The following SH3BP2 variants were observed in gnomAD, a reference collection of about 807,000 sequenced individuals.
The protein encoded by SH3BP2 is SH3 domain-binding protein 2.
SH3BP2 carries 38 observed loss-of-function variants against 56.2 expected under a neutral mutation model. The observed-to-expected ratio is 0.68, with a 90% CI of 0.52 to 0.89. The LOEUF (loss-of-function observed/expected upper bound fraction) is 0.89, where lower values mean the gene tolerates loss of function less well. SH3BP2 is among the 40% of genes least tolerant of loss of function. The pLI, the probability that SH3BP2 is intolerant of heterozygous loss-of-function variation, is 0.00. For synonymous variants in SH3BP2, 346 were observed against 316.7 expected (o/e 1.09, Z -0.98); for missense variants, 748 against 762.6 (o/e 0.98, Z 0.23).
chr4:2,832,911 CT>C lies in SH3BP2; in HGVS notation c.1489-78del, dbSNP rs927931721. The C allele has an allele frequency of 1.1e-3, 1,526 of 1,441,162 alleles. 11 individuals carry two copies. The highest frequency in any genetic ancestry group is 5.2e-4 in the African/African-American group (37 of 71,486). The allele number at this position is 1,441,162 out of a possible 1,614,324, so 89.3% of individuals were successfully genotyped here. A position where few individuals can be genotyped will look rare whatever the true frequency, so the allele number is the denominator to read the frequency against. On this transcript the variant is annotated intron_variant, in intron 11 of 12. Transcript: ENST00000503393. Reference sequence around the variant, plus strand: ...ACCCAGCCTTGATGGTTCTGCCCCCCTATCCCCAGCCCATGGTCTCCCGAGG... The same window carrying C: ...ACCCAGCCTTGATGGTTCTGCCCCCCATCCCCAGCCCATGGTCTCCCGAGG...
Position 2,812,386 on chromosome 4 carries a change from C to T in SH3BP2, c.-4-8228C>T, listed in dbSNP as rs1463993473. The T allele has an allele frequency of 5.8e-6, 9 of 1,550,094 alleles. No individual in the cohort carries two copies. The South Asian group carries it at 7.1e-5, about 12-fold the overall frequency. ...AGATGTAGGCTGCCTGGGCTGGTGGCCCCTGAGCCGCATGGCCTCCCTGGG... is the reference window on the plus strand; with the variant it reads ...AGATGTAGGCTGCCTGGGCTGGTGGTCCCTGAGCCGCATGGCCTCCCTGGG... On this transcript the variant is annotated intron_variant, in intron 1 of 12. Coordinates refer to ENST00000503393, the MANE Select transcript of SH3BP2 (RefSeq NM_001122681.2).
chr4:2,800,122 G>A (rs746655509), intron 1 of SH3BP2, among the ~76,000 whole-genome samples: 34 of 152,068 alleles, frequency 2.2e-4, no homozygotes, highest in Admixed American at 2.2e-3. Context: ...AGGAGGTGAC[G>A]TGACCAGGAT....
intron 2 of SH3BP2, among the ~76,000 whole-genome samples, chr4:2,822,255 A>G (rs1313656361): frequency 6.6e-6 from 1 of 152,184 alleles, no homozygotes; most frequent in Non-Finnish European, 1.5e-5. Flanking sequence ...TCCTGGGCTC[A>G]AATGATCCTC....
chr4:2,834,655 A>G lies in SH3BP2; in HGVS notation c.*821A>G, dbSNP rs886059362. Reference sequence around the variant, plus strand: ...TGTCCCCGTTCCAGAACTTGCATACACTGAGCGGGCTACAGAGCTAGAAGG... The same window carrying G: ...TGTCCCCGTTCCAGAACTTGCATACGCTGAGCGGGCTACAGAGCTAGAAGG... On this transcript the variant is annotated 3_prime_UTR_variant, in exon 13 of 13. Coordinates refer to ENST00000503393, the MANE Select transcript of SH3BP2 (RefSeq NM_001122681.2). 7 of 151,996 alleles carry G rather than the reference A, an allele frequency of 4.6e-5. No individual in the cohort carries two copies. The highest frequency in any genetic ancestry group is 8.8e-5 in the Non-Finnish European group (6 of 68,042). The allele number at this position is 151,996 out of a possible 1,614,324, so 9.4% of individuals were successfully genotyped here.
chr4:2,820,230 TA>T (rs1416601317), intron 1 of SH3BP2, among the ~76,000 whole-genome samples: 1 of 152,180 alleles, frequency 6.6e-6, no homozygotes, highest in Non-Finnish European at 1.5e-5. Flanking sequence ...GGACTTGAAG[TA>T]GTTATGGCCT....
rs1235514258 is a variant in SH3BP2 at position 2,839,772 on chromosome 4, C to G, written c.*5938C>G. 1 of 151,636 alleles carries G rather than the reference C, an allele frequency of 6.6e-6. No individual in the cohort carries two copies. The highest frequency in any genetic ancestry group is 1.5e-5 in the Non-Finnish European group (1 of 67,952). 9.4% of individuals were successfully genotyped at this position (151,636 alleles called of 1,614,324 possible). ...TTTTAGAGATAGGATCTTACTATGC[C>G]CCAGCTGGTCTCAAACTCCTAGACT... On this transcript the variant is annotated 3_prime_UTR_variant, in exon 13 of 13. Coordinates refer to ENST00000503393, the MANE Select transcript of SH3BP2 (RefSeq NM_001122681.2).
chr4:2,833,170 C>A, intron 12 of SH3BP2, 121 bp downstream of exon 12: 2 of 845,272 alleles, frequency 2.4e-6, no homozygotes, highest in South Asian at 1.4e-5. Context: ...CAGGATACCG[C>A]CCTCCCCTTC....
intron 3 of SH3BP2, among the ~76,000 whole-genome samples, chr4:2,823,930 G>T (rs564818200): frequency 1.2e-4 from 18 of 152,332 alleles, no homozygotes; most frequent in Admixed American, 9.8e-4. Flanking sequence ...CCTGGGGAAG[G>T]TCGTTCCCTT....
chr4:2,807,950 C>T (rs1723598581), intron 1 of SH3BP2, among the ~76,000 whole-genome samples: 1 of 152,164 alleles, frequency 6.6e-6, no homozygotes, highest in Non-Finnish European at 1.5e-5. Context: ...CCTTGTGGAG[C>T]CTGTCTCTCC....
At chr4:2,823,856 G>T (rs1724445228) in intron 3 of SH3BP2, among the ~76,000 whole-genome samples, 2 of 152,246 alleles carry the variant, frequency 1.3e-5, no homozygotes, top group Admixed American at 6.5e-5. Context: ...GCCTGGTAGG[G>T]CAGCCTTGCC....
intron 1 of SH3BP2, among the ~76,000 whole-genome samples, chr4:2,802,404 A>ATGTGTGTGTGTGTGTG (rs1175501543): frequency 5.4e-4 from 73 of 135,968 alleles, no homozygotes; most frequent in South Asian, 4.0e-3. Context: ...AAAAAAATAT[A>ATGTGTGTGTGTGTGTG]TGTGTGTGTG....
In SH3BP2 at chr4:2,829,365, G is replaced by T; in HGVS notation, c.587-128G>T. The stretch of plus-strand genomic sequence containing the variant: ...GGGAGTGCTGGGTGCTGGGCTGCTG[G>T]GTGGGCAGGCTGTGGGGTGGGCCTA... On this transcript the variant is annotated intron_variant, in intron 7 of 12. Transcript: ENST00000503393. The surrounding 1 kb of genome is among the most constrained non-coding windows in gnomAD (Gnocchi z 4.9). 1 of 921,874 alleles carries T rather than the reference G, an allele frequency of 1.1e-6. No individual in the cohort carries two copies. Among genetic ancestry groups the T allele is most frequent in the Non-Finnish European group, 1.7e-6 (1 of 575,482 alleles). 57.1% of individuals were successfully genotyped at this position (921,874 alleles called of 1,614,324 possible).
chr4:2,796,957 G>A (rs774156332), intron 1 of SH3BP2, among the ~76,000 whole-genome samples: 13 of 152,340 alleles, frequency 8.5e-5, no homozygotes, highest in South Asian at 2.1e-4. Context: ...GGGCTTCAGC[G>A]TCCTCCTTGT....
chr4:2,822,372 C>T (rs1445196986), intron 2 of SH3BP2, among the ~76,000 whole-genome samples: 2 of 151,998 alleles, frequency 1.3e-5, no homozygotes, highest in African/African-American at 4.8e-5. Flanking sequence ...TCAGGCTCAC[C>T]CCATCTTTTA....
intron 1 of SH3BP2, among the ~76,000 whole-genome samples, chr4:2,805,134 G>A (rs1012648162): frequency 1.3e-5 from 2 of 152,208 alleles, no homozygotes; most frequent in African/African-American, 2.4e-5. Context: ...TCTGGTTGGC[G>A]GGAGCCCTCT....
chr4:2,829,253 C>G lies in SH3BP2; in HGVS notation c.587-240C>G, dbSNP rs1577366766. Among the ~76,000 whole-genome samples, 1 of 151,958 alleles carries G rather than the reference C, an allele frequency of 6.6e-6. No individual in the cohort carries two copies. The highest frequency in any genetic ancestry group is 1.9e-4 in the East Asian group (1 of 5,166). On this transcript the variant is annotated intron_variant, in intron 7 of 12. Transcript: ENST00000503393. This position sits in a 1 kb window ranked among gnomAD's most constrained non-coding sequence, Gnocchi z 4.9. ...GGCTCCTCAGGTGTCCTCTAGGCTT[C>G]AGGAAGCGTCCACAGGCTGCCATAG...
At position 2,839,273 on chromosome 4, in the gene SH3BP2, A is replaced by AT. The variant is rs886634275; in HGVS notation, c.*5441dup. 1 of 147,878 alleles carries AT rather than the reference A, an allele frequency of 6.8e-6. No individual in the cohort carries two copies. The highest frequency in any genetic ancestry group is 2.5e-5 in the African/African-American group (1 of 39,808). 9.2% of individuals were successfully genotyped at this position (147,878 alleles called of 1,614,324 possible). On this transcript the variant is annotated 3_prime_UTR_variant, in exon 13 of 13. Transcript: ENST00000503393. The stretch of plus-strand genomic sequence containing the variant: ...TGCAGCCTTGAGTCAGGCTCAGGTG[A>AT]TTCTCTCACCTCAGCCTCCCAAGTA...
rs893754035 is a variant in SH3BP2 at position 2,840,516 on chromosome 4, T to C, written c.*6682T>C. Reference sequence around the variant, plus strand: ...GTCATATGTCCACATATGACATATGTAGATCTGTTGTTGGATTCTTTCCTC... The same window carrying C: ...GTCATATGTCCACATATGACATATGCAGATCTGTTGTTGGATTCTTTCCTC... On this transcript the variant is annotated 3_prime_UTR_variant, in exon 13 of 13. Transcript: ENST00000503393. The C allele has an allele frequency of 1.3e-5, 2 of 152,238 alleles. No homozygotes were observed. The highest frequency in any genetic ancestry group is 4.8e-5 in the African/African-American group (2 of 41,460). 9.4% of individuals were successfully genotyped at this position (152,238 alleles called of 1,614,324 possible).
chr4:2,805,363 C>T (rs1723489962), intron 1 of SH3BP2, among the ~76,000 whole-genome samples: 1 of 152,158 alleles, frequency 6.6e-6, no homozygotes, highest in South Asian at 2.1e-4. Context: ...GTGCAGAGCC[C>T]CTGGAGTGCC....
Sources: gnomAD v4.1 joint callset for allele counts (sites outside exome capture counted in the v4.1 genomes callset) on GRCh38, gnomAD v4.1.1 for gene constraint, Gnocchi (gnomAD v3.1) non-coding constraint, MANE v1.5 for transcripts, NCBI Gene and HGNC (gene_info 2026-07-23, HGNC 2026-07-21) for gene names.